The following DCAF13 variants were observed in gnomAD, a reference collection of about 807,000 sequenced individuals.
DCAF13 encodes DDB1- and CUL4-associated factor 13.
Under a neutral mutation model 59.0 loss-of-function variants are expected in DCAF13, and 38 were observed. The observed-to-expected ratio is 0.64, with a 90% confidence interval of 0.50 to 0.84. The LOEUF (loss-of-function observed/expected upper bound fraction) is 0.84. Ranked by LOEUF, DCAF13 falls within the 40% of genes least tolerant of loss-of-function variation. DCAF13 has a pLI of 0.00. For synonymous variants in DCAF13, 173 were observed against 175.0 expected (o/e 0.99, Z 0.09); for missense variants, 469 against 558.4 (o/e 0.84, Z 1.61).
At position 103,430,612 on chromosome 8, in the gene DCAF13, A is replaced by G. The variant is rs1373712970; in HGVS notation, c.625A>G (p.Thr209Ala). ...ISSVKFNPIE[T>A]FLLGSCASDR... ...TGGTGATTGTTATACTTGTTTTTAG[A>G]CATTTCTCTTGGGAAGTTGTGCATC... Residue 209 changes from threonine (T) to alanine (A), a missense_variant and splice_region_variant, in exon 6 of 11, where the codon ACA becomes GCA. By Grantham distance (58) the Thr-to-Ala change is moderately conservative. This residue lies in a region of DCAF13 where 355 missense variants were observed against 399.1 expected (regional missense o/e 0.89). Transcript: ENST00000612750. 1 of 1,610,278 alleles carries G rather than the reference A, an allele frequency of 6.2e-7. No individual in the cohort carries two copies. The highest frequency in any genetic ancestry group is 8.5e-7 in the Non-Finnish European group (1 of 1,177,740).
intron 1 of DCAF13, among the ~76,000 whole-genome samples, chr8:103,418,884 T>A (rs13280803): frequency 0.078 from 4,687 of 59,728 alleles, 297 homozygotes; most frequent in East Asian, 0.24. Flanking sequence ...TTTTTTTTTT[T>A]TTTTTTTTTT....
At chr8:103,442,184 A>G (rs1817020934) in intron 10 of DCAF13, 1 of 152,238 alleles carries the variant, frequency 6.6e-6, no homozygotes, top group African/African-American at 2.4e-5. Flanking sequence ...AAAATGAGTT[A>G]CCAAAATAAG....
chr8:103,440,400 A>T (rs990354488), intron 9 of DCAF13, 129 bp downstream of exon 9: 4 of 753,624 alleles, frequency 5.3e-6, no homozygotes, highest in Non-Finnish European at 8.1e-6. Context: ...TGATAAAAAA[A>T]GCAATAAATG....
At chr8:103,432,988 C>G (rs1816885711) in intron 7 of DCAF13, among the ~76,000 whole-genome samples, 1 of 152,058 alleles carries the variant, frequency 6.6e-6, no homozygotes, top group Non-Finnish European at 1.5e-5. Flanking sequence ...CTTTCTGTTG[C>G]CTGTTTTTTA....
At chr8:103,433,748 A>G (rs1470156518) in intron 7 of DCAF13, among the ~76,000 whole-genome samples, 1 of 151,928 alleles carries the variant, frequency 6.6e-6, no homozygotes, top group East Asian at 1.9e-4. Flanking sequence ...ACAGAACAAG[A>G]CCCTGGTGTC....
chr8:103,423,437 T>G (rs1288599432), intron 3 of DCAF13, among the ~76,000 whole-genome samples: 1 of 152,106 alleles, frequency 6.6e-6, no homozygotes, highest in Non-Finnish European at 1.5e-5. Context: ...GACATGATGC[T>G]AAGTTAAATA....
chr8:103,423,661 G>A lies in DCAF13; in HGVS notation c.379-2395G>A, dbSNP rs558804989. Among the ~76,000 whole-genome samples, 7 of 152,250 alleles carry A rather than the reference G, an allele frequency of 4.6e-5. No individual in the cohort carries two copies. The East Asian group carries it at 1.3e-3, about 29-fold the overall frequency. ...CTCTCTTGACAATTGCTATGAAAGTGAATTAAATGTTCTCACCACAAAATA... is the reference window on the plus strand; with the variant it reads ...CTCTCTTGACAATTGCTATGAAAGTAAATTAAATGTTCTCACCACAAAATA... On this transcript the variant is annotated intron_variant, in intron 3 of 10. Transcript: ENST00000612750.
chr8:103,435,670 T>C lies in DCAF13; in HGVS notation c.830T>C (p.Val277Ala). The change falls in exon 8 of 11, where the codon GTC becomes GCC. Residue 277 changes from valine to alanine, a missense_variant. Coordinates refer to ENST00000612750, the MANE Select transcript of DCAF13 (RefSeq NM_015420.7). ...CGTGCACTGGACACTCCTGTAATGG[T>C]CCATATGGATCATGTATCTGCAGTG... ...DMRALDTPVMVHMDHVSAVLD... is the reference protein window; with the variant it reads ...DMRALDTPVMAHMDHVSAVLD... 1 of 1,611,894 alleles carries C rather than the reference T, an allele frequency of 6.2e-7. No individual in the cohort carries two copies. Among genetic ancestry groups the C allele is most frequent in the South Asian group, 1.1e-5 (1 of 90,848 alleles).
intron 8 of DCAF13, among the ~76,000 whole-genome samples, chr8:103,439,093 C>T (rs553616382): frequency 1.3e-5 from 2 of 152,052 alleles, no homozygotes; most frequent in African/African-American, 4.8e-5. Flanking sequence ...CTGCAAGCTC[C>T]GCCTCCTGGG....
rs773752617 is a variant in DCAF13 at position 103,415,474 on chromosome 8, C to T, written c.28C>T (p.Pro10Ser). 1.2e-6 allele frequency: 2 copies of T among 1,613,598 alleles called. No individual in the cohort carries two copies. Among genetic ancestry groups the T allele is most frequent in the East Asian group, 2.2e-5 (1 of 44,870 alleles). The change falls in exon 1 of 11, where the codon CCG becomes TCG. Residue 10 changes from proline (P) to serine (S), a missense_variant. Pro to Ser is a moderately conservative substitution (Grantham distance 74). Transcript: ENST00000612750. ...GAAGGTGAAGATGCTGAGCCGGAAT[C>T]CGGACAATTATGTCCGCGAAACCAA... MKVKMLSRN[P>S]DNYVRETKLD...
Position 103,442,933 on chromosome 8 carries a change from A to G in DCAF13, c.*51A>G. 7.8e-7 allele frequency: 1 copy of G among 1,289,254 alleles called. No individual in the cohort carries two copies. The highest frequency in any genetic ancestry group is 1.1e-6 in the Non-Finnish European group (1 of 920,180). The allele number at this position is 1,289,254 out of a possible 1,614,324, so 79.9% of individuals were successfully genotyped here. On this transcript the variant is annotated 3_prime_UTR_variant, in exon 11 of 11. Coordinates refer to ENST00000612750, the MANE Select transcript of DCAF13 (RefSeq NM_015420.7). ...ATAATTATTTGTTACTTTTGATTTG[A>G]GAACTCTACAAATAAAAGTGCTGGG... is the stretch of plus-strand genomic sequence containing the variant.
At chr8:103,431,725 A>C (rs767063339) in intron 6 of DCAF13, among the ~76,000 whole-genome samples, 4 of 152,170 alleles carry the variant, frequency 2.6e-5, no homozygotes, top group Non-Finnish European at 5.9e-5. Context: ...GAATGCTGAC[A>C]TGAGGTACTA....
At chr8:103,435,557 G>C in intron 7 of DCAF13, 69 bp from the exon 8 acceptor site, 1 of 1,266,278 alleles carries the variant, frequency 7.9e-7, no homozygotes, top group Non-Finnish European at 1.1e-6. Context: ...GTTTTCAGTG[G>C]TATCTTTTAG....
At chr8:103,421,599 C>T (rs1816724216) in intron 3 of DCAF13, among the ~76,000 whole-genome samples, 5 of 152,222 alleles carry the variant, frequency 3.3e-5, no homozygotes, top group African/African-American at 1.2e-4. Flanking sequence ...CCTCTGTCCC[C>T]TCAGTCCCCA....
chr8:103,424,296 G>T (rs1350781771), intron 3 of DCAF13, among the ~76,000 whole-genome samples: 1 of 152,142 alleles, frequency 6.6e-6, no homozygotes, highest in Non-Finnish European at 1.5e-5. Flanking sequence ...GAAAGTGCTG[G>T]GATTACAGGC....
intron 1 of DCAF13, among the ~76,000 whole-genome samples, chr8:103,418,697 T>TA (rs1563723934): frequency 6.6e-6 from 1 of 150,678 alleles, no homozygotes; most frequent in Admixed American, 6.6e-5. Flanking sequence ...GAATGTTAGA[T>TA]ATAACACCAT....
chr8:103,435,574 A>G (rs1429032833), intron 7 of DCAF13, 52 bp from the exon 8 acceptor site: 7 of 1,410,348 alleles, frequency 5.0e-6, no homozygotes, highest in African/African-American at 2.9e-5. Context: ...TTAGTACTGC[A>G]TATGGCATCT....
chr8:103,427,383 AT>A (rs1816809263), intron 5 of DCAF13, 131 bp downstream of exon 5: 2 of 780,596 alleles, frequency 2.6e-6, no homozygotes, highest in Non-Finnish European at 4.1e-6. Flanking sequence ...AGTTTTCCCG[AT>A]TGTAAATGAG....
intron 9 of DCAF13, chr8:103,441,218 CT>C (rs1441000650): frequency 1.2e-5 from 5 of 403,260 alleles, no homozygotes; most frequent in African/African-American, 8.5e-5. Flanking sequence ...TCCTTCAGCA[CT>C]GCTGCTTTCT....
Sources: gnomAD v4.1 joint callset for allele counts (sites outside exome capture counted in the v4.1 genomes callset) on GRCh38, gnomAD v4.1.1 for gene constraint, gnomAD v4.1.1 regional missense constraint, MANE v1.5 for transcripts, NCBI Gene and HGNC (gene_info 2026-07-23, HGNC 2026-07-21) for gene names.